The following KCNQ5 variants were observed in gnomAD, a reference collection of about 807,000 sequenced individuals.
KCNQ5 encodes the protein potassium voltage-gated channel subfamily KQT member 5.
A neutral mutation model predicts 98.2 loss-of-function variants in KCNQ5; 30 were observed. That is an observed-to-expected ratio of 0.31 (90% CI 0.23 to 0.41). The LOEUF (loss-of-function observed/expected upper bound fraction) is 0.41, where lower values mean the gene tolerates loss of function less well. Ranked by LOEUF, KCNQ5 falls within the 10% of genes least tolerant of loss-of-function variation. KCNQ5 has a pLI of 1.00. For synonymous variants in KCNQ5, 458 were observed against 449.4 expected (o/e 1.02, Z -0.24); for missense variants, 835 against 1,182.5 (o/e 0.71, Z 4.31).
chr6:72,651,886 A>T (rs997879706), intron 1 of KCNQ5, among the ~76,000 whole-genome samples: 4 of 152,100 alleles, frequency 2.6e-5, no homozygotes, highest in African/African-American at 9.7e-5. Context: ...AAATTTTATA[A>T]CACAATAACA....
chr6:72,799,649 G>C (rs1192854896), intron 1 of KCNQ5, among the ~76,000 whole-genome samples: 2 of 152,146 alleles, frequency 1.3e-5, no homozygotes, highest in African/African-American at 4.8e-5. Context: ...AAACACGGAG[G>C]TTCCAGAGTT....
chr6:72,812,708 G>C lies in KCNQ5; in HGVS notation c.398+190121G>C, dbSNP rs150265978. On this transcript the variant is annotated intron_variant, in intron 1 of 13. Coordinates refer to ENST00000370398, the MANE Select transcript of KCNQ5 (RefSeq NM_019842.4). ...TAGGTTGATTAGACTGGCTCCAAAGGCTAGCTCCACTTAGAAGCCATAGTA... is the reference window on the plus strand; with the variant it reads ...TAGGTTGATTAGACTGGCTCCAAAGCCTAGCTCCACTTAGAAGCCATAGTA... Among the ~76,000 whole-genome samples the C allele has an allele frequency of 5.1e-3, 778 of 152,222 alleles. 3 individuals carry two copies. Among genetic ancestry groups the C allele is most frequent in the Non-Finnish European group, 7.3e-3 (496 of 68,018 alleles).
In KCNQ5 at chr6:73,166,773, A is replaced by T. The variant is rs148822572; in HGVS notation, c.1469-2973A>T. Among the ~76,000 whole-genome samples the T allele has an allele frequency of 4.7e-3, 717 of 152,108 alleles. 8 individuals carry two copies. The highest frequency in any genetic ancestry group is 0.016 in the African/African-American group (648 of 41,486). On this transcript the variant is annotated intron_variant, in intron 10 of 13. Coordinates refer to ENST00000370398, the MANE Select transcript of KCNQ5 (RefSeq NM_019842.4). ...ACCATCCCCTGCCTCTCTCCTAACG[A>T]TTGGTGGGGGCCAACAATCCCTGGT...
At chr6:73,005,758 A>G (rs1042799066) in intron 2 of KCNQ5, among the ~76,000 whole-genome samples, 2 of 152,246 alleles carry the variant, frequency 1.3e-5, no homozygotes, top group African/African-American at 4.8e-5. Context: ...CTCTATGCAG[A>G]TGAGGCCTTT....
chr6:72,935,573 A>G (rs1765881339), intron 1 of KCNQ5, among the ~76,000 whole-genome samples: 1 of 152,166 alleles, frequency 6.6e-6, no homozygotes, highest in Non-Finnish European at 1.5e-5. Flanking sequence ...TTTATCTTGT[A>G]TCATTCTCAC....
chr6:73,063,326 T>C (rs1772867386), intron 3 of KCNQ5, among the ~76,000 whole-genome samples: 1 of 152,174 alleles, frequency 6.6e-6, no homozygotes, highest in Admixed American at 6.5e-5. Flanking sequence ...ACAATGTGTT[T>C]CACCGCCTGA....
rs966898846 is a variant in KCNQ5, at chr6:73,131,578, G to T, written c.1248-1843G>T. On this transcript the variant is annotated intron_variant, in intron 9 of 13. Transcript: ENST00000370398. ...AACAGATGTGTTGAAACTAAAAAGA[G>T]ATTTGAAACTTTTACAATTTAAAAA... 5.5e-5 allele frequency among the ~76,000 whole-genome samples: 7 copies of T among 128,338 alleles called. No individual in the cohort carries two copies. The South Asian group carries it at 1.8e-3, about 32-fold the overall frequency. The allele number at this position is 128,338 out of a possible 152,430, so 84.2% of individuals were successfully genotyped here.
rs1268788765 is a variant in KCNQ5 at position 73,194,948 on chromosome 6, C to G, written c.2333C>G (p.Ser778Cys). The change falls in exon 14 of 14, where the codon TCT (serine) becomes TGT (cysteine). Residue 778 changes from serine (S) to cysteine (C), a missense_variant. Ser to Cys is a moderately radical substitution (Grantham distance 112). This residue lies in a region of KCNQ5 where 416 missense variants were observed against 446.9 expected (regional missense o/e 0.93). Transcript: ENST00000370398. ...CCTGCAGGCTTACAGGAAAGCATTTCTGACGTCACCACCTGCCTTGTTGCC... is the reference window on the plus strand; with the variant it reads ...CCTGCAGGCTTACAGGAAAGCATTTGTGACGTCACCACCTGCCTTGTTGCC... ...PNPAGLQESISDVTTCLVASK... is the reference protein window; with the variant it reads ...PNPAGLQESICDVTTCLVASK... 9 of 1,614,218 alleles carry G rather than the reference C, an allele frequency of 5.6e-6. No individual in the cohort carries two copies. Among genetic ancestry groups the G allele is most frequent in the South Asian group, 4.4e-5 (4 of 91,088 alleles).
intron 1 of KCNQ5, among the ~76,000 whole-genome samples, chr6:72,948,903 C>G (rs1353829852): frequency 1.3e-5 from 2 of 152,114 alleles, no homozygotes; most frequent in African/African-American, 4.8e-5. Context: ...AAACAGCAAA[C>G]AAATGCACAT....
At chr6:73,155,423 G>T (rs2150486246) in intron 10 of KCNQ5, among the ~76,000 whole-genome samples, 1 of 152,302 alleles carries the variant, frequency 6.6e-6, no homozygotes, top group Non-Finnish European at 1.5e-5. Context: ...AACGAGGATG[G>T]ATGAGGGTGT....
intron 1 of KCNQ5, among the ~76,000 whole-genome samples, chr6:72,703,384 T>C (rs1246605881): frequency 6.6e-6 from 1 of 152,246 alleles, no homozygotes; most frequent in Non-Finnish European, 1.5e-5. Context: ...CGTCCTGGCA[T>C]ATCTGAATTA....
intron 1 of KCNQ5, among the ~76,000 whole-genome samples, chr6:72,884,313 C>G (rs1778768859): frequency 6.6e-6 from 1 of 151,992 alleles, no homozygotes; most frequent in South Asian, 2.1e-4. Context: ...TTTTTATAGA[C>G]TCTTGAAAAT....
At chr6:72,931,635 A>T (rs1355886646) in intron 1 of KCNQ5, among the ~76,000 whole-genome samples, 2 of 152,198 alleles carry the variant, frequency 1.3e-5, no homozygotes, top group Non-Finnish European at 2.9e-5. Context: ...TATATTGCAG[A>T]CCAAAAGGCG....
intron 1 of KCNQ5, among the ~76,000 whole-genome samples, chr6:72,838,849 C>T (rs1776643183): frequency 6.8e-6 from 1 of 146,788 alleles, no homozygotes; most frequent in Non-Finnish European, 1.5e-5. Context: ...ACTCGGGAGG[C>T]TGAGGCAGGA....
Position 73,077,315 on chromosome 6 carries a change from C to T in KCNQ5, c.617-7C>T. On this transcript the variant is annotated splice_region_variant and splice_polypyrimidine_tract_variant and intron_variant, in intron 3 of 13. Transcript: ENST00000370398. ...TAACTGTGGCTATTTCGACCTGTTT[C>T]TTTCAGATACCATTGTTCTTATCGC... 1.2e-6 allele frequency: 2 copies of T among 1,612,338 alleles called. No homozygotes were observed. The highest frequency in any genetic ancestry group is 1.7e-6 in the Non-Finnish European group (2 of 1,179,420).
chr6:72,672,509 C>G (rs192441659), intron 1 of KCNQ5, among the ~76,000 whole-genome samples: 16 of 152,266 alleles, frequency 1.1e-4, no homozygotes, highest in Admixed American at 7.2e-4. Flanking sequence ...CATAAGTAGA[C>G]AGCCTAGTGT....
chr6:72,834,805 A>G (rs1167341862), intron 1 of KCNQ5, among the ~76,000 whole-genome samples: 2 of 152,014 alleles, frequency 1.3e-5, no homozygotes, highest in Admixed American at 6.5e-5. Flanking sequence ...CAGCACTGCT[A>G]TTTTTGTTGT....
At chr6:72,799,800 G>A (rs1238193296) in intron 1 of KCNQ5, among the ~76,000 whole-genome samples, 1 of 152,044 alleles carries the variant, frequency 6.6e-6, no homozygotes, top group African/African-American at 2.4e-5. Flanking sequence ...GCCATACCTT[G>A]GGCCAAGAGC....
At position 72,681,719 on chromosome 6, in the gene KCNQ5, C is replaced by T. The variant is rs541723392; in HGVS notation, c.398+59132C>T. On this transcript the variant is annotated intron_variant, in intron 1 of 13. Transcript: ENST00000370398. ...TGCCCCTTTAAGCTTATCCCCACAG[C>T]TTATCATCATCATGCTGTGATCCCA... Among the ~76,000 whole-genome samples the T allele has an allele frequency of 3.3e-5, 5 of 152,334 alleles. No homozygotes were observed. In the East Asian group the frequency reaches 9.6e-4, roughly 29 times the overall value.
Sources: gnomAD v4.1 joint callset for allele counts (sites outside exome capture counted in the v4.1 genomes callset) on GRCh38, gnomAD v4.1.1 for gene constraint, gnomAD v4.1.1 regional missense constraint, MANE v1.5 for transcripts, NCBI Gene and HGNC (gene_info 2026-07-23, HGNC 2026-07-21) for gene names.